CTNNA3: variants seen among roughly 807,000 people sequenced by gnomAD.
CTNNA3 encodes the protein catenin alpha 3.
A neutral mutation model predicts 95.7 loss-of-function variants in CTNNA3; 76 were observed. The observed-to-expected ratio is 0.79, with a 90% CI of 0.66 to 0.96. The LOEUF (loss-of-function observed/expected upper bound fraction) is 0.96, where lower values mean the gene tolerates loss of function less well. CTNNA3 is among the 40% of genes least tolerant of loss of function. CTNNA3 has a pLI of 0.00. For missense variants in CTNNA3, 1,191 were observed against 1,089.8 expected (o/e 1.09, Z -1.31); for synonymous variants, 431 against 374.4 (o/e 1.15, Z -1.74).
chr10:67,080,076 C>T (rs1018012090), intron 7 of CTNNA3, among the ~76,000 whole-genome samples: 1 of 152,050 alleles, frequency 6.6e-6, no homozygotes, highest in African/African-American at 2.4e-5. Flanking sequence ...TGCTGGGATC[C>T]AAAGAGGCAG....
intron 1 of CTNNA3, among the ~76,000 whole-genome samples, chr10:67,723,771 GTGAAGGATA>G (rs1390149297): frequency 6.6e-6 from 1 of 152,096 alleles, no homozygotes; most frequent in Non-Finnish European, 1.5e-5. Flanking sequence ...AGTCACGACT[GTGAAGGATA>G]GTTCCTAGCA....
chr10:66,080,153 C>T (rs573620786), intron 14 of CTNNA3, among the ~76,000 whole-genome samples: 104 of 152,198 alleles, frequency 6.8e-4, no homozygotes, highest in South Asian at 1.7e-3. Flanking sequence ...CAAGTTTACT[C>T]AAGAACTTCA....
chr10:66,205,826 G>C (rs1324489665), intron 13 of CTNNA3, among the ~76,000 whole-genome samples: 1 of 151,854 alleles, frequency 6.6e-6, no homozygotes, highest in Non-Finnish European at 1.5e-5. Flanking sequence ...TTATTTATGT[G>C]TACATCTTTT....
intron 15 of CTNNA3, 136 bp downstream of exon 15, chr10:66,069,172 C>G: frequency 1.3e-6 from 1 of 764,388 alleles, no homozygotes; most frequent in Non-Finnish European, 2.2e-6. Flanking sequence ...ACACCTACAA[C>G]TTTCTAATAC....
rs188211451 is a variant in CTNNA3 at position 66,504,406 on chromosome 10, G to A, written c.1531+16211C>T. 8.6e-4 allele frequency among the ~76,000 whole-genome samples: 131 copies of A among 152,258 alleles called. 1 individual carries two copies. Among genetic ancestry groups the A allele is most frequent in the African/African-American group, 2.8e-3 (116 of 41,552 alleles). On this transcript the variant is annotated intron_variant, in intron 11 of 17. Transcript: ENST00000433211. The stretch of plus-strand genomic sequence containing the variant: ...CCCAGGATGCTTTCTAAGTCCCTAA[G>A]TCTATTGCAACAACAACTCGTAAAA...
intron 5 of CTNNA3, among the ~76,000 whole-genome samples, chr10:67,220,087 T>A (rs1362757405): frequency 6.6e-6 from 1 of 152,140 alleles, no homozygotes; most frequent in East Asian, 1.9e-4. Flanking sequence ...TAAGTAAAGG[T>A]CCCCGTAGAG....
chr10:67,573,970 A>G (rs1842058122), intron 3 of CTNNA3, among the ~76,000 whole-genome samples: 1 of 152,212 alleles, frequency 6.6e-6, no homozygotes, highest in Admixed American at 6.5e-5. Context: ...AAGTGTTAAG[A>G]GAGTACATGT....
intron 6 of CTNNA3, among the ~76,000 whole-genome samples, chr10:67,206,575 A>C (rs1258076863): frequency 6.6e-6 from 1 of 152,048 alleles, no homozygotes; most frequent in African/African-American, 2.4e-5. Context: ...AAGGAAGAAA[A>C]GAGGGAGGGA....
At chr10:67,725,034 A>G (rs1324952067) in intron 1 of CTNNA3, among the ~76,000 whole-genome samples, 1 of 151,936 alleles carries the variant, frequency 6.6e-6, no homozygotes, top group African/African-American at 2.4e-5. Flanking sequence ...AATTATATCT[A>G]TTTATTCTCC....
At chr10:66,883,596 T>C (rs1030159626) in intron 7 of CTNNA3, among the ~76,000 whole-genome samples, 1 of 152,150 alleles carries the variant, frequency 6.6e-6, no homozygotes, top group Admixed American at 6.6e-5. Flanking sequence ...GATACCAAAA[T>C]GCCCATATTA....
intron 1 of CTNNA3, among the ~76,000 whole-genome samples, chr10:67,725,951 T>G (rs1468824180): frequency 7.3e-6 from 1 of 136,482 alleles, no homozygotes; most frequent in Admixed American, 7.7e-5. Flanking sequence ...TTTTAGTATA[T>G]GTATATATAA....
At chr10:66,739,014 G>GCCTC (rs1849240415) in intron 9 of CTNNA3, among the ~76,000 whole-genome samples, 1 of 152,114 alleles carries the variant, frequency 6.6e-6, no homozygotes, top group Non-Finnish European at 1.5e-5. Flanking sequence ...GGATGTGGAG[G>GCCTC]AGGATACAAA....
At chr10:67,315,483 A>AC (rs1335510476) in intron 5 of CTNNA3, among the ~76,000 whole-genome samples, 1 of 152,148 alleles carries the variant, frequency 6.6e-6, no homozygotes, top group Non-Finnish European at 1.5e-5. Flanking sequence ...TATAAACTAA[A>AC]CTGATAGGCC....
intron 17 of CTNNA3, among the ~76,000 whole-genome samples, chr10:65,959,440 A>T (rs1280507458): frequency 1.3e-5 from 2 of 152,140 alleles, no homozygotes; most frequent in Non-Finnish European, 2.9e-5. Context: ...CTCAGTTGGA[A>T]ATGCAGAAAT....
intron 7 of CTNNA3, among the ~76,000 whole-genome samples, chr10:67,030,452 T>C (rs1306566791): frequency 6.6e-6 from 1 of 152,162 alleles, no homozygotes; most frequent in Admixed American, 6.6e-5. Flanking sequence ...TCTTGAACTA[T>C]ATTTATACAT....
rs573341237 is a variant in CTNNA3, at chr10:67,533,839, C to G, written c.459+5664G>C. Among the ~76,000 whole-genome samples, 9 of 151,856 alleles carry G rather than the reference C, an allele frequency of 5.9e-5. No individual in the cohort carries two copies. In the East Asian group the frequency reaches 1.6e-3, roughly 26 times the overall value. ...TACAAAATCAGGAAATATATAGATA[C>G]ATGCTATTAAAAGAGAGTAACATCT... On this transcript the variant is annotated intron_variant, in intron 4 of 17. Coordinates refer to ENST00000433211, the MANE Select transcript of CTNNA3 (RefSeq NM_013266.4).
intron 1 of CTNNA3, among the ~76,000 whole-genome samples, chr10:67,692,215 G>A (rs566203212): frequency 2.7e-5 from 4 of 150,508 alleles, no homozygotes; most frequent in Admixed American, 1.3e-4. Context: ...CCCTCTGCCC[G>A]GCCACCACCC....
intron 5 of CTNNA3, among the ~76,000 whole-genome samples, chr10:67,220,090 C>T (rs1230631580): frequency 6.6e-6 from 1 of 152,100 alleles, no homozygotes; most frequent in Non-Finnish European, 1.5e-5. Context: ...GTAAAGGTCC[C>T]CGTAGAGCAG....
chr10:67,455,396 A>G (rs1847134975), intron 5 of CTNNA3, among the ~76,000 whole-genome samples: 1 of 152,188 alleles, frequency 6.6e-6, no homozygotes, highest in Admixed American at 6.6e-5. Flanking sequence ...ACTAGTTTAC[A>G]GATACTCCCC....
Sources: gnomAD v4.1 joint callset for allele counts (sites outside exome capture counted in the v4.1 genomes callset) on GRCh38, gnomAD v4.1.1 for gene constraint, MANE v1.5 for transcripts, NCBI Gene and HGNC (gene_info 2026-07-23, HGNC 2026-07-21) for gene names.